EVL: variants seen among roughly 807,000 people sequenced by gnomAD.
EVL encodes the protein ena/VASP-like protein.
Under a neutral mutation model 59.6 loss-of-function variants are expected in EVL, and 21 were observed. That is an observed-to-expected ratio of 0.35 (90% CI 0.25 to 0.51). The LOEUF is 0.51. Ranked by LOEUF, EVL falls within the 20% of genes least tolerant of loss-of-function variation. EVL has a pLI of 0.97. For missense variants in EVL, 462 were observed against 546.6 expected, an observed-to-expected ratio of 0.85 and a Z score of 1.54; for synonymous variants, 198 against 203.5, an observed-to-expected ratio of 0.97 and a Z score of 0.23.
chr14:100,110,776 G>GAA (rs1156700893), intron 3 of EVL, among the ~76,000 whole-genome samples: 4 of 152,202 alleles, frequency 2.6e-5, no homozygotes, highest in Admixed American at 6.5e-5. Context: ...TCCTAGAGAA[G>GAA]AGAGGTCTCC....
intron 2 of EVL, among the ~76,000 whole-genome samples, chr14:100,088,333 T>C (rs1430881419): frequency 2.6e-5 from 4 of 152,200 alleles, no homozygotes; most frequent in Non-Finnish European, 5.9e-5. Flanking sequence ...GACTCTTGAC[T>C]CTTTTTACCC....
intron 1 of EVL, among the ~76,000 whole-genome samples, chr14:99,991,372 C>T (rs1037474608): frequency 6.6e-6 from 1 of 152,150 alleles, no homozygotes; most frequent in Non-Finnish European, 1.5e-5. Context: ...AATATAAAAA[C>T]TGTTCTTGGA....
At chr14:100,045,642 C>T (rs2061535535) in intron 1 of EVL, among the ~76,000 whole-genome samples, 1 of 152,248 alleles carries the variant, frequency 6.6e-6, no homozygotes, top group South Asian at 2.1e-4. Flanking sequence ...AGAGCTAGGA[C>T]TGTCAGCTGT....
intron 1 of EVL, among the ~76,000 whole-genome samples, chr14:99,994,518 A>G (rs558088654): frequency 6.6e-6 from 1 of 151,388 alleles, no homozygotes; most frequent in Admixed American, 6.6e-5. Flanking sequence ...ACTAATAACA[A>G]CTTCCTTTCT....
chr14:100,006,082 C>T (rs984551280), intron 1 of EVL, among the ~76,000 whole-genome samples: 2 of 150,896 alleles, frequency 1.3e-5, no homozygotes, highest in African/African-American at 4.9e-5. Context: ...CTTCAGAGGC[C>T]TCGTTCCCCA....
intron 1 of EVL, among the ~76,000 whole-genome samples, chr14:99,988,700 A>G (rs1482592440): frequency 1.3e-5 from 2 of 152,252 alleles, no homozygotes; most frequent in African/African-American, 4.8e-5. Context: ...GAATCGATGA[A>G]TGGATAAACA....
chr14:100,072,911 T>C (rs1262442235), intron 1 of EVL, among the ~76,000 whole-genome samples: 3 of 152,232 alleles, frequency 2.0e-5, no homozygotes, highest in Non-Finnish European at 4.4e-5. Context: ...GTCAGGTTGC[T>C]GTCTAGTCCA....
intron 1 of EVL, among the ~76,000 whole-genome samples, chr14:99,999,349 A>C (rs2060932206): frequency 6.6e-6 from 1 of 152,244 alleles, no homozygotes; most frequent in African/African-American, 2.4e-5. Flanking sequence ...TGTGATCATG[A>C]GCAAATTACT....
Position 100,135,973 on chromosome 14 carries a change from G to A in EVL, c.964+5G>A. ...GCCAGCCACCTAACTCCTCAGGTGA[G>A]AGGGCGCCCCCCGCTGACCCCAGTG... is the stretch of plus-strand genomic sequence containing the variant. On this transcript the variant is annotated splice_donor_5th_base_variant and intron_variant, in intron 9 of 13. Coordinates refer to ENST00000392920, the MANE Select transcript of EVL (RefSeq NM_016337.3). 6.2e-7 allele frequency: 1 copy of A among 1,613,468 alleles called. No homozygotes were observed. The highest frequency in any genetic ancestry group is 8.5e-7 in the Non-Finnish European group (1 of 1,179,996).
chr14:100,065,969 G>C (rs148929965), intron 1 of EVL, among the ~76,000 whole-genome samples: 1 of 152,302 alleles, frequency 6.6e-6, no homozygotes, highest in Non-Finnish European at 1.5e-5. Context: ...AATAGCAAGA[G>C]TCCTGACCCT....
chr14:99,990,361 TAA>T (rs1468501418), intron 1 of EVL, among the ~76,000 whole-genome samples: 1 of 152,222 alleles, frequency 6.6e-6, no homozygotes, highest in East Asian at 1.9e-4. Context: ...GTAAAAACAT[TAA>T]ACCCACTGTC....
chr14:100,104,825 C>T (rs890520501), intron 3 of EVL, among the ~76,000 whole-genome samples: 2 of 151,854 alleles, frequency 1.3e-5, no homozygotes, highest in African/African-American at 2.4e-5. Context: ...AATAATCCCC[C>T]GCTGAGCTGC....
At chr14:99,996,416 A>G (rs1227421029) in intron 1 of EVL, among the ~76,000 whole-genome samples, 1 of 152,164 alleles carries the variant, frequency 6.6e-6, no homozygotes, top group African/African-American at 2.4e-5. Flanking sequence ...TCTGGGAACT[A>G]ATTTAATCCC....
chr14:100,141,850 C>T lies in EVL; in HGVS notation c.1219+57C>T, dbSNP rs77871070. On this transcript the variant is annotated intron_variant, in intron 13 of 13. Transcript: ENST00000392920. The stretch of plus-strand genomic sequence containing the variant: ...CCAGGTGTGGCCGCAGGACAAGGGT[C>T]CCTGTCACCCAGGCTGGGGGCCTCC... 2.1e-3 allele frequency: 3,340 copies of T among 1,556,736 alleles called. 71 individuals carry two copies. In the African/African-American group the frequency reaches 0.041, roughly 19 times the overall value.
chr14:99,988,149 C>A (rs1043363457), intron 1 of EVL, among the ~76,000 whole-genome samples: 2 of 152,012 alleles, frequency 1.3e-5, no homozygotes, highest in African/African-American at 4.8e-5. Context: ...CTCCCGACTT[C>A]AGGTGATCTG....
At chr14:100,126,901 A>G in intron 5 of EVL, 130 bp downstream of exon 5, 1 of 766,268 alleles carries the variant, frequency 1.3e-6, no homozygotes, top group Non-Finnish European at 2.1e-6. Flanking sequence ...CTCAAAGTGC[A>G]ACCACCACTT....
chr14:100,050,205 T>C (rs2061623873), intron 1 of EVL, among the ~76,000 whole-genome samples: 1 of 152,216 alleles, frequency 6.6e-6, no homozygotes, highest in African/African-American at 2.4e-5. Context: ...AGAGGAGCTT[T>C]AATTAACCTT....
intron 1 of EVL, among the ~76,000 whole-genome samples, chr14:100,034,079 AAAC>A (rs1253595132): frequency 6.8e-6 from 1 of 147,806 alleles, no homozygotes; most frequent in African/African-American, 2.7e-5. Flanking sequence ...TACAAACAAA[AAAC>A]AAAAAAAAAC....
chr14:100,006,861 C>G (rs368009244), intron 1 of EVL, among the ~76,000 whole-genome samples: 1 of 151,008 alleles, frequency 6.6e-6, no homozygotes, highest in African/African-American at 2.4e-5. Context: ...TAAATCTCAT[C>G]CAGATTTTGG....
Sources: gnomAD v4.1 joint callset for allele counts (sites outside exome capture counted in the v4.1 genomes callset) on GRCh38, gnomAD v4.1.1 for gene constraint, MANE v1.5 for transcripts, NCBI Gene and HGNC (gene_info 2026-07-23, HGNC 2026-07-21) for gene names.